MAPT: variants seen among roughly 807,000 people sequenced by gnomAD.
MAPT encodes the protein microtubule associated protein tau, also known as microtubule-associated protein tau.
A neutral mutation model predicts 67.9 loss-of-function variants in MAPT; 34 were observed. The observed-to-expected ratio is 0.50, with a 90% confidence interval of 0.38 to 0.67. The LOEUF (loss-of-function observed/expected upper bound fraction) is 0.67, where lower values mean the gene tolerates loss of function less well. Ranked by LOEUF, MAPT falls within the 30% of genes least tolerant of loss-of-function variation. The pLI, the probability that MAPT is intolerant of heterozygous loss-of-function variation, is 0.00. For synonymous variants in MAPT, 456 were observed against 464.5 expected (o/e 0.98, Z 0.23); for missense variants, 881 against 1,115.2 (o/e 0.79, Z 2.99).
intron 3 of MAPT, chr17:45,974,859 G>A (rs557988504): frequency 3.7e-6 from 1 of 268,518 alleles, no homozygotes; most frequent in East Asian, 9.0e-5. Context: ...CTCCCAAGGG[G>A]TGGACCCCAA....
chr17:45,974,688 G>A (rs2072130795), intron 3 of MAPT: 1 of 580,460 alleles, frequency 1.7e-6, no homozygotes, highest in African/African-American at 1.9e-5. Context: ...AGCATTTAGG[G>A]CCTTCTGGAC....
chr17:45,926,233 C>T (rs56249311), intron 1 of MAPT, among the ~76,000 whole-genome samples: 21,779 of 151,848 alleles, frequency 0.14, 2,134 homozygotes, highest in Middle Eastern at 0.22. Flanking sequence ...AAAAGAAAAG[C>T]CTTTTTAAAC....
At chr17:46,008,248 C>T (rs1375131602) in intron 9 of MAPT, among the ~76,000 whole-genome samples, 4 of 152,148 alleles carry the variant, frequency 2.6e-5, no homozygotes, top group Admixed American at 2.6e-4. Context: ...CACCACCATG[C>T]CTGGCTAACT....
intron 9 of MAPT, among the ~76,000 whole-genome samples, chr17:46,005,649 C>T (rs1281784403): frequency 5.3e-5 from 8 of 152,056 alleles, no homozygotes; most frequent in Admixed American, 6.6e-5. Flanking sequence ...TCCTTAAAAT[C>T]GGAGGGTGGC....
intron 1 of MAPT, among the ~76,000 whole-genome samples, chr17:45,942,543 G>A (rs1486071216): frequency 6.6e-6 from 1 of 152,290 alleles, no homozygotes. Context: ...TTGCTTCCCC[G>A]CTGGTGGACT....
At chr17:46,014,742 T>C (rs62062272) in intron 11 of MAPT, among the ~76,000 whole-genome samples, 21,735 of 151,864 alleles carry the variant, frequency 0.14, 2,122 homozygotes, top group Non-Finnish European at 0.22. Flanking sequence ...GGCGTGGTGG[T>C]GGGCGCCTGT....
intron 5 of MAPT, among the ~76,000 whole-genome samples, chr17:45,984,657 A>G (rs776659106): frequency 3.9e-5 from 6 of 152,212 alleles, no homozygotes; most frequent in Non-Finnish European, 8.8e-5. Context: ...CCTGGTCCAC[A>G]TGCCACCACC....
chr17:45,911,130 T>C (rs2144140056), intron 1 of MAPT, among the ~76,000 whole-genome samples: 1 of 152,384 alleles, frequency 6.6e-6, no homozygotes, highest in African/African-American at 2.4e-5. Context: ...TGCCCGTTAT[T>C]TGTGTTTAAT....
chr17:45,918,704 T>A (rs1006521997), intron 1 of MAPT, among the ~76,000 whole-genome samples: 5 of 152,220 alleles, frequency 3.3e-5, no homozygotes, highest in Middle Eastern at 6.3e-3. Context: ...ATTAGTCTGT[T>A]CTCACATTAC....
intron 3 of MAPT, chr17:45,974,779 G>A: frequency 2.4e-6 from 1 of 409,310 alleles, no homozygotes; most frequent in Non-Finnish European, 4.6e-6. Flanking sequence ...GCAGGTGGTG[G>A]CAGACCCGTG....
At chr17:45,980,404 G>GGAGGCAGGAGAATTGTTACT (rs142222997) in intron 4 of MAPT, 21,892 of 151,746 alleles carry the variant, frequency 0.14, 2,134 homozygotes, top group Non-Finnish European at 0.22. Flanking sequence ...GGGAGGAGTA[G>GGAGGCAGGAGAATTGTTACT]GAGGCAGGAG....
At chr17:46,015,575 C>T (rs922031593) in intron 11 of MAPT, among the ~76,000 whole-genome samples, 1 of 152,064 alleles carries the variant, frequency 6.6e-6, no homozygotes, top group Non-Finnish European at 1.5e-5. Context: ...AGGAGAATGG[C>T]ATGAACCTGG....
intron 9 of MAPT, chr17:45,999,608 C>T: frequency 6.2e-7 from 1 of 1,612,226 alleles, no homozygotes. Flanking sequence ...TCCCACCCTG[C>T]AGCTGCCCTG....
Position 45,994,119 on chromosome 17 carries a change from G to A in MAPT, c.1733-2280G>A, listed in dbSNP as rs2074288044. On this transcript the variant is annotated intron_variant, in intron 8 of 12. Coordinates refer to ENST00000262410, the MANE Select transcript of MAPT (RefSeq NM_001377265.1). ...TCGCAGCCTGAAGATGGAGCAGTCC[G>A]AATTCTCTTCCCTGTGCAGTTTGCG... The A allele has an allele frequency of 1.2e-5, 9 of 733,174 alleles. 1 individual carries two copies. The highest frequency in any genetic ancestry group is 1.1e-4 in the Admixed American group (4 of 35,106). 45.4% of individuals were successfully genotyped at this position (733,174 alleles called of 1,614,324 possible).
rs533137318 is a variant in MAPT at position 46,021,947 on chromosome 17, G to T, written c.2287-2009G>T. ...GTGGGGCACACCACCAGCCTCCTGGGTTCCTTTCAGTTTGGGGATTTTTGG... is the reference window on the plus strand; with the variant it reads ...GTGGGGCACACCACCAGCCTCCTGGTTTCCTTTCAGTTTGGGGATTTTTGG... On this transcript the variant is annotated intron_variant, in intron 12 of 12. Coordinates refer to ENST00000262410, the MANE Select transcript of MAPT (RefSeq NM_001377265.1). Among the ~76,000 whole-genome samples the T allele has an allele frequency of 1.9e-4, 29 of 152,268 alleles. 1 individual carries two copies. The South Asian group carries it at 6.0e-3, about 32-fold the overall frequency.
At chr17:45,993,771 C>CA (rs2074256202) in intron 8 of MAPT, among the ~76,000 whole-genome samples, 1 of 152,224 alleles carries the variant, frequency 6.6e-6, no homozygotes, top group Admixed American at 6.5e-5. Context: ...TGGCTGCCTG[C>CA]AGGTGGAGAG....
In MAPT at chr17:45,903,854, AT is replaced by A. The variant is rs1369391912; in HGVS notation, c.-18+9170del. ...ATATTATATATTTTATATATTATAT[AT>A]TATATATATTATATATTATATATTT... On this transcript the variant is annotated intron_variant, in intron 1 of 12. Coordinates refer to ENST00000262410, the MANE Select transcript of MAPT (RefSeq NM_001377265.1). Among the ~76,000 whole-genome samples, 3 of 44,568 alleles carry A rather than the reference AT, an allele frequency of 6.7e-5. 1 individual carries two copies. The highest frequency in any genetic ancestry group is 1.3e-4 in the Non-Finnish European group (3 of 22,316). 29.2% of individuals were successfully genotyped at this position (44,568 alleles called of 152,430 possible).
chr17:45,983,336 A>C lies in MAPT; in HGVS notation c.757A>C (p.Thr253Pro). The change falls in exon 5 of 13, where the codon ACA becomes CCA. Residue 253 changes from threonine to proline, a missense_variant. By Grantham distance (38) the Thr-to-Pro change is conservative. Transcript: ENST00000262410. Reference sequence around the variant, plus strand: ...ACCTTCGGGGACAGGACCTGAGGACACAGAGGGCGGCCGCCACGCCCCTGA... The same window carrying C: ...ACCTTCGGGGACAGGACCTGAGGACCCAGAGGGCGGCCGCCACGCCCCTGA... ...RQPSGTGPED[T>P]EGGRHAPELL... 6.2e-7 allele frequency: 1 copy of C among 1,602,584 alleles called. No homozygotes were observed.
At chr17:45,921,518 A>G (rs1316353449) in intron 1 of MAPT, among the ~76,000 whole-genome samples, 3 of 152,224 alleles carry the variant, frequency 2.0e-5, no homozygotes, top group Non-Finnish European at 2.9e-5. Flanking sequence ...GCCTGGAGGG[A>G]AAGCTCAATC....
Sources: allele counts gnomAD v4.1 joint callset (sites outside exome capture counted in the v4.1 genomes callset), GRCh38; gene constraint gnomAD v4.1.1; transcripts MANE v1.5; gene names NCBI Gene and HGNC (gene_info 2026-07-23, HGNC 2026-07-21).